RHOT1: variants seen among roughly 807,000 people sequenced by gnomAD.
RHOT1 encodes ras homolog family member T1.
RHOT1 carries 27 observed loss-of-function variants against 95.3 expected under a neutral mutation model. The ratio of observed to expected loss-of-function variants is 0.28; its 90% CI spans 0.21 to 0.39. RHOT1 has a LOEUF of 0.39. Ranked by LOEUF, RHOT1 falls within the 10% of genes least tolerant of loss-of-function variation. The probability of loss-of-function intolerance (pLI) is 1.00; values close to 1 mark genes in which losing one functional copy is unlikely to be tolerated. For synonymous variants in RHOT1, 227 were observed against 263.5 expected, an observed-to-expected ratio of 0.86 and a Z score of 1.34; for missense variants, 578 against 786.7, an observed-to-expected ratio of 0.73 and a Z score of 3.17.
chr17:32,222,624 T>C (rs932013031), intron 19 of RHOT1, among the ~76,000 whole-genome samples: 2 of 152,146 alleles, frequency 1.3e-5, no homozygotes, highest in African/African-American at 4.8e-5. Flanking sequence ...ATTTTAAATA[T>C]AGAAAACATG....
At chr17:32,223,419 T>A (rs2038951257) in intron 19 of RHOT1, among the ~76,000 whole-genome samples, 1 of 144,660 alleles carries the variant, frequency 6.9e-6, no homozygotes, top group Non-Finnish European at 1.5e-5. Flanking sequence ...TTTTCTTTCT[T>A]TTTTTTTTTT....
chr17:32,146,152 C>G (rs1408198021), intron 1 of RHOT1, among the ~76,000 whole-genome samples: 1 of 152,198 alleles, frequency 6.6e-6, no homozygotes, highest in Non-Finnish European at 1.5e-5. Context: ...TCATTGCTCT[C>G]TCTATAAGAA....
chr17:32,187,700 C>T (rs929084984), intron 8 of RHOT1, among the ~76,000 whole-genome samples: 1 of 152,142 alleles, frequency 6.6e-6, no homozygotes, highest in Non-Finnish European at 1.5e-5. Flanking sequence ...TCCCAAGTAG[C>T]TGGGACTACG....
chr17:32,161,661 A>G (rs2033569137), intron 1 of RHOT1, among the ~76,000 whole-genome samples: 1 of 152,242 alleles, frequency 6.6e-6, no homozygotes, highest in Non-Finnish European at 1.5e-5. Flanking sequence ...GACCAGGGAC[A>G]GCTTGGAGGT....
At chr17:32,222,146 G>C (rs553093815) in intron 19 of RHOT1, among the ~76,000 whole-genome samples, 1 of 151,974 alleles carries the variant, frequency 6.6e-6, no homozygotes, top group South Asian at 2.1e-4. Context: ...ATAATCACAG[G>C]GAGGCCAAAG....
At chr17:32,164,257 C>T (rs764174033) in intron 1 of RHOT1, among the ~76,000 whole-genome samples, 18 of 151,774 alleles carry the variant, frequency 1.2e-4, no homozygotes, top group African/African-American at 3.4e-4. Flanking sequence ...TTTTTTTAGA[C>T]GGAGTGTCGC....
intron 1 of RHOT1, 22 bp downstream of exon 1, chr17:32,142,751 G>GGCCCCTGAGTCCCTGCCCTCCCT (rs2030542268): frequency 6.7e-7 from 1 of 1,497,942 alleles, no homozygotes; most frequent in Non-Finnish European, 8.9e-7. Context: ...CCCTCTGGCC[G>GGCCCCTGAGTCCCTGCCCTCCCT]GCCCCTGAGT....
At chr17:32,181,255 T>A (rs1281061484) in intron 6 of RHOT1, among the ~76,000 whole-genome samples, 1 of 152,236 alleles carries the variant, frequency 6.6e-6, no homozygotes, top group Non-Finnish European at 1.5e-5. Context: ...CTTATCAGAT[T>A]TAACTTGTCT....
rs924787757 is a variant in RHOT1, at chr17:32,142,852, C to G, written c.37+123C>G. Reference sequence around the variant, plus strand: ...CCCCGGCCCTTCTCGCGCCTCACAGCTCCGCTCGCCTTTCTCCGCGTTCCT... The same window carrying G: ...CCCCGGCCCTTCTCGCGCCTCACAGGTCCGCTCGCCTTTCTCCGCGTTCCT... On this transcript the variant is annotated intron_variant, in intron 1 of 19. Coordinates refer to ENST00000545287, the MANE Select transcript of RHOT1 (RefSeq NM_001033566.3). The G allele has an allele frequency of 2.0e-5, 17 of 867,572 alleles. No individual in the cohort carries two copies. In the African/African-American group the frequency reaches 2.7e-4, roughly 14 times the overall value. The allele number at this position is 867,572 out of a possible 1,614,324, so 53.7% of individuals were successfully genotyped here. A position where few individuals can be genotyped will look rare whatever the true frequency, so the allele number is the denominator to read the frequency against.
intron 1 of RHOT1, among the ~76,000 whole-genome samples, chr17:32,169,176 T>C (rs1306301308): frequency 6.6e-6 from 1 of 152,242 alleles, no homozygotes; most frequent in East Asian, 1.9e-4. Flanking sequence ...AGACTGGACT[T>C]GTGTTCACCC....
rs1487587534 is a variant in RHOT1 at position 32,224,899 on chromosome 17, T to TGG, written c.*167_*168dup. 1.3e-5 allele frequency: 6 copies of TGG among 456,460 alleles called. No individual in the cohort carries two copies. Among genetic ancestry groups the TGG allele is most frequent in the Non-Finnish European group, 2.4e-5 (6 of 253,950 alleles). The allele number at this position is 456,460 out of a possible 1,614,324, so 28.3% of individuals were successfully genotyped here. A position where few individuals can be genotyped will look rare whatever the true frequency, so the allele number is the denominator to read the frequency against. ...TTAATGATAGTTATAACTGCAGTAT[T>TGG]GGCTAGCATATGGAAAGAAAACAGC... On this transcript the variant is annotated 3_prime_UTR_variant, in exon 20 of 20. Transcript: ENST00000545287.
chr17:32,203,748 C>A lies in RHOT1; in HGVS notation c.1333-142C>A, dbSNP rs117646172. Reference sequence around the variant, plus strand: ...GAACTAAGAAACATAAAATCAATATCTCCTTTGTACTGATAAATAGTACAC... The same window carrying A: ...GAACTAAGAAACATAAAATCAATATATCCTTTGTACTGATAAATAGTACAC... On this transcript the variant is annotated intron_variant, in intron 15 of 19. Transcript: ENST00000545287. 1.6e-3 allele frequency: 908 copies of A among 578,392 alleles called. 4 individuals carry two copies. Among genetic ancestry groups the A allele is most frequent in the Non-Finnish European group, 1.7e-3 (565 of 329,894 alleles). 35.8% of individuals were successfully genotyped at this position (578,392 alleles called of 1,614,324 possible).
At position 32,149,615 on chromosome 17, in the gene RHOT1, A is replaced by ATGTGTGTGTG. The variant is rs1272063309; in HGVS notation, c.37+6887_37+6888insGTGTGTGTGT. Among the ~76,000 whole-genome samples the ATGTGTGTGTG allele has an allele frequency of 3.7e-4, 31 of 84,076 alleles. 1 individual carries two copies. Among genetic ancestry groups the ATGTGTGTGTG allele is most frequent in the African/African-American group, 2.0e-3 (30 of 14,970 alleles). The allele number at this position is 84,076 out of a possible 152,430, so 55.2% of individuals were successfully genotyped here. ...TCTATATATATATATATATATATAT[A>ATGTGTGTGTG]TATATATATATATATATATATGTGT... On this transcript the variant is annotated intron_variant, in intron 1 of 19. Coordinates refer to ENST00000545287, the MANE Select transcript of RHOT1 (RefSeq NM_001033566.3).
At chr17:32,177,439 A>T (rs1371321899) in intron 6 of RHOT1, among the ~76,000 whole-genome samples, 1 of 152,012 alleles carries the variant, frequency 6.6e-6, no homozygotes, top group East Asian at 1.9e-4. Flanking sequence ...TGCTTGCGCC[A>T]TTTCTAGGAG....
chr17:32,168,510 G>A (rs1158491995), intron 1 of RHOT1, among the ~76,000 whole-genome samples: 1 of 151,796 alleles, frequency 6.6e-6, no homozygotes, highest in Non-Finnish European at 1.5e-5. Context: ...CTGGCCTCAA[G>A]TAGTCCTCCC....
chr17:32,184,174 T>C (rs1325529562), intron 8 of RHOT1, among the ~76,000 whole-genome samples: 3 of 152,230 alleles, frequency 2.0e-5, no homozygotes, highest in South Asian at 4.1e-4. Context: ...TCATCACCAC[T>C]GTCTAATTTC....
intron 1 of RHOT1, among the ~76,000 whole-genome samples, chr17:32,161,293 G>A (rs1409093011): frequency 1.3e-5 from 2 of 152,180 alleles, no homozygotes; most frequent in African/African-American, 2.4e-5. Flanking sequence ...CGCTGATTGG[G>A]GGCCACAGGA....
At chr17:32,190,539 CACTTAG>C (rs1190665777) in intron 8 of RHOT1, among the ~76,000 whole-genome samples, 2 of 151,978 alleles carry the variant, frequency 1.3e-5, no homozygotes, top group Admixed American at 1.3e-4. Flanking sequence ...GAGGAAAAAT[CACTTAG>C]ACAAAATAAA....
In RHOT1 at chr17:32,202,791, A is replaced by G. The variant is rs778277068; in HGVS notation, c.1223A>G (p.Asp408Gly). The change falls in exon 15 of 20, where the codon GAC becomes GGC. Residue 408 changes from aspartate to glycine, a missense_variant. Physicochemically the swap from Asp to Gly is moderately conservative, Grantham distance 94. Coordinates refer to ENST00000545287, the MANE Select transcript of RHOT1 (RefSeq NM_001033566.3). ...TTAGTGACAAGAGATAAAAAGATAG[A>G]CCTGCAGAAAAAACAAACTCAAAGA... is the stretch of plus-strand genomic sequence containing the variant. ...AVTVTRDKKI[D>G]LQKKQTQRNV... is the part of the protein sequence containing the mutation. The G allele has an allele frequency of 6.3e-7, 1 of 1,595,536 alleles. No homozygotes were observed.
Sources: gnomAD v4.1 joint callset for allele counts (sites outside exome capture counted in the v4.1 genomes callset) on GRCh38, gnomAD v4.1.1 for gene constraint, MANE v1.5 for transcripts, NCBI Gene and HGNC (gene_info 2026-07-23, HGNC 2026-07-21) for gene names.